The following ZNF556 variants were observed in gnomAD, a reference collection of about 807,000 sequenced individuals.
The protein encoded by ZNF556 is zinc finger protein 556.
In ZNF556, 11 loss-of-function variants were observed where a neutral mutation model predicts 13.6. The ratio of observed to expected loss-of-function variants is 0.81; its 90% CI spans 0.51 to 1.33. The LOEUF is 1.33. Ranked by LOEUF, ZNF556 falls within the 40% of genes most tolerant of loss-of-function variation. The probability of loss-of-function intolerance (pLI) is 0.00; values close to 1 mark genes in which losing one functional copy is unlikely to be tolerated. For missense variants in ZNF556, 633 were observed against 566.2 expected (o/e 1.12, Z -1.20); for synonymous variants, 229 against 207.8 (o/e 1.10, Z -0.88).
intron 1 of ZNF556, among the ~76,000 whole-genome samples, 177 bp from the exon 2 acceptor site, chr19:2,873,319 A>G (rs1301287498): frequency 6.6e-6 from 1 of 152,190 alleles, no homozygotes; most frequent in Non-Finnish European, 1.5e-5. Flanking sequence ...TCAAAGACAA[A>G]AAAACCTACG....
In ZNF556 at chr19:2,873,584, A is replaced by G; in HGVS notation, c.92A>G (p.Asp31Gly). ...LNPAQRKLYR[D>G]VMLETFKHLA... ...CCTGCTCAGAGAAAACTCTACAGAGATGTCATGCTGGAGACCTTCAAGCAC... is the reference window on the plus strand; with the variant it reads ...CCTGCTCAGAGAAAACTCTACAGAGGTGTCATGCTGGAGACCTTCAAGCAC... Residue 31 changes from aspartate (D) to glycine (G), a missense_variant, in exon 2 of 4, where the codon GAT becomes GGT. Transcript: ENST00000307635. The G allele has an allele frequency of 6.2e-7, 1 of 1,614,152 alleles. No homozygotes were observed.
Position 2,878,518 on chromosome 19 carries a change from T to G in ZNF556, c.*189T>G. 1 of 464,340 alleles carries G rather than the reference T, an allele frequency of 2.2e-6. No homozygotes were observed. Among genetic ancestry groups the G allele is most frequent in the Non-Finnish European group, 3.7e-6 (1 of 267,868 alleles). 28.8% of individuals were successfully genotyped at this position (464,340 alleles called of 1,614,324 possible). On this transcript the variant is annotated 3_prime_UTR_variant, in exon 4 of 4. Transcript: ENST00000307635. ...CCGTCTCTACTAAAAAAAAAAAAAA[T>G]ACAAAAAATTAGCCGGGCGTGGTGG...
Position 2,882,210 on chromosome 19 carries a change from G to A in ZNF556, c.*3881G>A, listed in dbSNP as rs941372783. On this transcript the variant is annotated 3_prime_UTR_variant, in exon 4 of 4. Transcript: ENST00000307635. ...TGGGAGGCTGAGGCGGGTGGATCACGAGGTCAGGAGATCAAGACCATCCTG... is the reference window on the plus strand; with the variant it reads ...TGGGAGGCTGAGGCGGGTGGATCACAAGGTCAGGAGATCAAGACCATCCTG... 3 of 152,066 alleles carry A rather than the reference G, an allele frequency of 2.0e-5. No individual in the cohort carries two copies. Among genetic ancestry groups the A allele is most frequent in the Non-Finnish European group, 2.9e-5 (2 of 68,028 alleles). The allele number at this position is 152,066 out of a possible 1,614,324, so 9.4% of individuals were successfully genotyped here.
intron 1 of ZNF556, among the ~76,000 whole-genome samples, chr19:2,869,662 C>A (rs900348738): frequency 6.6e-6 from 1 of 152,120 alleles, no homozygotes; most frequent in Non-Finnish European, 1.5e-5. Flanking sequence ...CCACCGCGCC[C>A]GGCCTAGATC....
rs1298315781 is a variant in ZNF556, at chr19:2,878,575, C to G, written c.*246C>G. ...CCTGTAGTCCCAGCTGCTCAGGAGG[C>G]TGAGGCAGGAGAACGGCGTGAACCC... On this transcript the variant is annotated 3_prime_UTR_variant, in exon 4 of 4. Transcript: ENST00000307635. The G allele has an allele frequency of 1.2e-5, 4 of 336,172 alleles. No individual in the cohort carries two copies. In the Admixed American group the frequency reaches 1.4e-4, roughly 12 times the overall value. 20.8% of individuals were successfully genotyped at this position (336,172 alleles called of 1,614,324 possible).
At position 2,880,359 on chromosome 19, in the gene ZNF556, TTAAC is replaced by T. The variant is rs1159659503; in HGVS notation, c.*2032_*2035del. 3 of 152,240 alleles carry T rather than the reference TTAAC, an allele frequency of 2.0e-5. No homozygotes were observed. The highest frequency in any genetic ancestry group is 2.0e-4 in the Admixed American group (3 of 15,266). The allele number at this position is 152,240 out of a possible 1,614,324, so 9.4% of individuals were successfully genotyped here. ...AAAATGTTTCTTAGAAATAGCCTATTTAACTGAGTTTTTCAAATAAGTTGTATAC... is the reference window on the plus strand; with the variant it reads ...AAAATGTTTCTTAGAAATAGCCTATTTGAGTTTTTCAAATAAGTTGTATAC... On this transcript the variant is annotated 3_prime_UTR_variant, in exon 4 of 4. Coordinates refer to ENST00000307635, the MANE Select transcript of ZNF556 (RefSeq NM_024967.3).
intron 3 of ZNF556, among the ~76,000 whole-genome samples, chr19:2,876,901 A>G (rs758747025): frequency 6.6e-6 from 1 of 152,106 alleles, no homozygotes; most frequent in Non-Finnish European, 1.5e-5. Flanking sequence ...ATGTTATCCT[A>G]ATATTCATTA....
chr19:2,878,971 T>A lies in ZNF556; in HGVS notation c.*642T>A, dbSNP rs145185268. The A allele has an allele frequency of 7.2e-5, 11 of 152,214 alleles. No homozygotes were observed. The highest frequency in any genetic ancestry group is 2.0e-4 in the Admixed American group (3 of 15,268). 9.4% of individuals were successfully genotyped at this position (152,214 alleles called of 1,614,324 possible). The stretch of plus-strand genomic sequence containing the variant: ...TGCATTAACTTTAATTTTTATATAT[T>A]TTTTTTGTTACTCCGTGTGAGGCCA... On this transcript the variant is annotated 3_prime_UTR_variant, in exon 4 of 4. Transcript: ENST00000307635.
At chr19:2,874,074 C>T (rs556821213) in intron 2 of ZNF556, among the ~76,000 whole-genome samples, 18 of 151,678 alleles carry the variant, frequency 1.2e-4, no homozygotes, top group South Asian at 6.2e-4. Flanking sequence ...CTGGGCAACA[C>T]GGTGAAATGC....
intron 1 of ZNF556, 128 bp downstream of exon 1, chr19:2,867,552 C>A: frequency 7.4e-7 from 1 of 1,356,670 alleles, no homozygotes; most frequent in Non-Finnish European, 1.0e-6. Context: ...CCCTGTGTCA[C>A]CCCCGGGTCC....
At chr19:2,871,901 A>G (rs7245839) in intron 1 of ZNF556, among the ~76,000 whole-genome samples, 13,113 of 152,108 alleles carry the variant, frequency 0.086, 1,880 homozygotes, top group African/African-American at 0.3. Flanking sequence ...CTCCAATGAT[A>G]GGTAAGGATG....
Position 2,877,598 on chromosome 19 carries a change from C to T in ZNF556, c.640C>T (p.Arg214Cys), listed in dbSNP as rs367809549. Residue 214 changes from arginine to cysteine, a missense_variant, in exon 4 of 4, where the codon CGT becomes TGT. Coordinates refer to ENST00000307635, the MANE Select transcript of ZNF556 (RefSeq NM_024967.3). ...ACQSCGKTFL[R>C]SHSLTEHVRT... Reference sequence around the variant, plus strand: ...TCAATCTTGCGGGAAGACATTTCTTCGTTCCCACTCTCTCACTGAACATGT... The same window carrying T: ...TCAATCTTGCGGGAAGACATTTCTTTGTTCCCACTCTCTCACTGAACATGT... 2.0e-5 allele frequency: 32 copies of T among 1,614,078 alleles called. No homozygotes were observed. In the Middle Eastern group the frequency reaches 1.2e-3, roughly 58 times the overall value.
intron 1 of ZNF556, among the ~76,000 whole-genome samples, chr19:2,872,379 G>T (rs1458483253): frequency 6.6e-6 from 1 of 151,688 alleles, no homozygotes; most frequent in South Asian, 2.1e-4. Context: ...CCCTCTGGTG[G>T]CCCTGTCTGG....
chr19:2,869,424 T>C (rs1056935358), intron 1 of ZNF556, among the ~76,000 whole-genome samples: 1 of 152,150 alleles, frequency 6.6e-6, no homozygotes, highest in East Asian at 1.9e-4. Flanking sequence ...TGGAGTGCAG[T>C]GGCGCGATCT....
Position 2,877,746 on chromosome 19 carries a change from A to G in ZNF556, c.788A>G (p.His263Arg). The G allele has an allele frequency of 1.2e-6, 2 of 1,613,492 alleles. No homozygotes were observed. Among genetic ancestry groups the G allele is most frequent in the Non-Finnish European group, 1.7e-6 (2 of 1,179,660 alleles). ...HAGGRPYECKHCGKAFRCQKS... is the reference protein window; with the variant it reads ...HAGGRPYECKRCGKAFRCQKS... The stretch of plus-strand genomic sequence containing the variant: ...GGAGGGAGACCGTATGAGTGCAAGC[A>G]CTGTGGGAAAGCCTTCAGGTGTCAG... The change falls in exon 4 of 4, where the codon CAC (histidine) becomes CGC (arginine). Residue 263 changes from histidine (H) to arginine (R), a missense_variant. Transcript: ENST00000307635.
In ZNF556 at chr19:2,883,283, A is replaced by C. The variant is rs777689752; in HGVS notation, c.*4954A>C. Reference sequence around the variant, plus strand: ...CCTTTAATTAATTTTTATTTTTTTAATTAAAAAATAATTTTTAAGTGTAAA... The same window carrying C: ...CCTTTAATTAATTTTTATTTTTTTACTTAAAAAATAATTTTTAAGTGTAAA... On this transcript the variant is annotated 3_prime_UTR_variant, in exon 4 of 4. Coordinates refer to ENST00000307635, the MANE Select transcript of ZNF556 (RefSeq NM_024967.3). The C allele has an allele frequency of 3.9e-5, 6 of 152,166 alleles. No homozygotes were observed. The highest frequency in any genetic ancestry group is 7.4e-5 in the Non-Finnish European group (5 of 68,020). The allele number at this position is 152,166 out of a possible 1,614,324, so 9.4% of individuals were successfully genotyped here.
chr19:2,878,239 C>G lies in ZNF556; in HGVS notation c.1281C>G (p.Cys427Trp), dbSNP rs540339084. The G allele has an allele frequency of 3.1e-6, 5 of 1,613,848 alleles. No homozygotes were observed. Among genetic ancestry groups the G allele is most frequent in the Non-Finnish European group, 4.2e-6 (5 of 1,179,982 alleles). Reference protein sequence around the residue: ...RTQIGQKPSKCEKCGKAFSCP... With the variant: ...RTQIGQKPSKWEKCGKAFSCP... ...AGATTGGACAGAAGCCCAGTAAATG[C>G]GAAAAATGTGGGAAAGCTTTCAGTT... The change falls in exon 4 of 4, where the codon TGC becomes TGG. Residue 427 changes from cysteine (C) to tryptophan (W), a missense_variant. Cys to Trp is a radical substitution (Grantham distance 215). Transcript: ENST00000307635.
In ZNF556 at chr19:2,877,273, CA is replaced by C; in HGVS notation, c.316del (p.Arg106GlufsTer39). 2 of 1,593,418 alleles carry C rather than the reference CA, an allele frequency of 1.3e-6. No homozygotes were observed. Among genetic ancestry groups the C allele is most frequent in the Non-Finnish European group, 1.7e-6 (2 of 1,170,504 alleles). On this transcript the variant is annotated frameshift_variant and splice_region_variant, in exon 4 of 4. Coordinates refer to ENST00000307635, the MANE Select transcript of ZNF556 (RefSeq NM_024967.3). LOFTEE classifies it low-confidence loss of function (END_TRUNC). ...TTAATAATGTGCTACCCATTTTTAG[CA>C]GAAATCCAAGGGTGGAGAGACCATG... ...KHNTKERHLS[R>X]NPRVERPCKS... is the part of the protein sequence containing the mutation.
intron 1 of ZNF556, among the ~76,000 whole-genome samples, chr19:2,870,766 G>A (rs1192086152): frequency 6.0e-5 from 8 of 132,466 alleles, no homozygotes; most frequent in African/African-American, 2.0e-4. Context: ...AAGGCCGGGC[G>A]CGATGGCTCA....
Sources: allele counts gnomAD v4.1 joint callset (sites outside exome capture counted in the v4.1 genomes callset), GRCh38; gene constraint gnomAD v4.1.1; transcripts MANE v1.5; gene names NCBI Gene and HGNC (gene_info 2026-07-23, HGNC 2026-07-21).